Variants in LAMC3 observed in about 807,000 individuals in gnomAD.
The protein encoded by LAMC3 is laminin subunit gamma-3.
In LAMC3, 128 loss-of-function variants were observed where a neutral mutation model predicts 173.8. The ratio of observed to expected loss-of-function variants is 0.74; its 90% confidence interval spans 0.64 to 0.85. The LOEUF (loss-of-function observed/expected upper bound fraction) is 0.85. Ranked by LOEUF, LAMC3 falls within the 40% of genes least tolerant of loss-of-function variation. The pLI, the probability that LAMC3 is intolerant of heterozygous loss-of-function variation, is 0.00. For missense variants in LAMC3, 2,022 were observed against 2,156.0 expected (o/e 0.94, Z 1.23); for synonymous variants, 897 against 909.1 (o/e 0.99, Z 0.24).
At chr9:131,086,948 C>T (rs1434252325) in intron 25 of LAMC3, among the ~76,000 whole-genome samples, 1 of 151,926 alleles carries the variant, frequency 6.6e-6, no homozygotes, top group Admixed American at 6.6e-5. Flanking sequence ...TGGTCTTGAA[C>T]CTCTGGTCTC....
rs778812487 is a variant in LAMC3 at position 131,086,575 on chromosome 9, C to CTTTTTTTTTTTTTTTTTT, written c.4230+864_4230+865insTTTTTTTTTTTTTTTTTT. ...GGTGTGTGCCACTGTGCCTGGCTAA[C>CTTTTTTTTTTTTTTTTTT]TTTTTTTTTTTTGCAGAGATGAGGA... On this transcript the variant is annotated intron_variant, in intron 25 of 27. Transcript: ENST00000361069. Among the ~76,000 whole-genome samples, 37 of 92,466 alleles carry CTTTTTTTTTTTTTTTTTT rather than the reference C, an allele frequency of 4.0e-4. 2 individuals are homozygous for CTTTTTTTTTTTTTTTTTT. Among genetic ancestry groups the CTTTTTTTTTTTTTTTTTT allele is most frequent in the African/African-American group, 6.5e-4 (14 of 21,416 alleles). 60.7% of individuals were successfully genotyped at this position (92,466 alleles called of 152,430 possible).
intron 1 of LAMC3, among the ~76,000 whole-genome samples, chr9:131,019,887 G>A (rs555968117): frequency 3.4e-5 from 5 of 147,856 alleles, no homozygotes; most frequent in African/African-American, 7.5e-5. Context: ...AGCCTCCCCC[G>A]GCCGGGCCCC....
intron 23 of LAMC3, among the ~76,000 whole-genome samples, chr9:131,079,627 G>T (rs764979543): frequency 3.9e-5 from 6 of 152,086 alleles, no homozygotes; most frequent in Non-Finnish European, 7.4e-5. Flanking sequence ...CCAGGAGGTG[G>T]AGGTTGCAGT....
intron 17 of LAMC3, among the ~76,000 whole-genome samples, chr9:131,071,159 C>T (rs140670698): frequency 3.8e-4 from 58 of 152,300 alleles, no homozygotes; most frequent in African/African-American, 1.2e-3. Flanking sequence ...CTCCATGTGG[C>T]GTCCTGGGAA....
chr9:131,032,676 C>T (rs971582571), intron 3 of LAMC3, among the ~76,000 whole-genome samples: 2 of 151,554 alleles, frequency 1.3e-5, no homozygotes, highest in African/African-American at 4.8e-5. Flanking sequence ...CTCTCTCGCT[C>T]TCTCTCTCTC....
At chr9:131,086,884 G>A (rs1830341075) in intron 25 of LAMC3, among the ~76,000 whole-genome samples, 1 of 145,186 alleles carries the variant, frequency 6.9e-6, no homozygotes, top group Admixed American at 6.8e-5. Context: ...GGGAGACTCT[G>A]CCTCGAAAAA....
chr9:131,042,356 A>G (rs771312281), intron 7 of LAMC3, among the ~76,000 whole-genome samples: 1 of 151,868 alleles, frequency 6.6e-6, no homozygotes, highest in African/African-American at 2.4e-5. Flanking sequence ...CCCCTTTCAC[A>G]CCCACAGCAG....
intron 8 of LAMC3, among the ~76,000 whole-genome samples, chr9:131,047,392 C>T (rs1037571915): frequency 9.9e-5 from 15 of 151,194 alleles, no homozygotes; most frequent in African/African-American, 3.6e-4. Context: ...GTCTTGAACT[C>T]CTGACCTCAA....
intron 27 of LAMC3, among the ~76,000 whole-genome samples, chr9:131,089,064 G>A (rs571856981): frequency 4.9e-4 from 75 of 151,844 alleles, no homozygotes; most frequent in Non-Finnish European, 1.0e-3. Flanking sequence ...CAGCCTGGGT[G>A]AGAGTGAGAC....
Position 131,087,502 on chromosome 9 carries a change from G to A in LAMC3, c.4257G>A (p.Arg1419=). The stretch of plus-strand genomic sequence containing the variant: ...TTGCCAAGGCCTTGCTGAGGGAGCG[G>A]AAACAGGCGCACCGCCGTGCCAGCA... ...AKLAKALLRE[R]KQAHRRASRL... is the part of the protein sequence containing the mutation. The change falls in exon 26 of 28, where the codon CGG becomes CGA. Residue 1419 remains arginine, a synonymous_variant. Transcript: ENST00000361069. 1 of 1,613,852 alleles carries A rather than the reference G, an allele frequency of 6.2e-7. No homozygotes were observed. The highest frequency in any genetic ancestry group is 1.6e-4 in the Middle Eastern group (1 of 6,062).
chr9:131,067,124 A>C lies in LAMC3; in HGVS notation c.2512A>C (p.Thr838Pro), dbSNP rs763636185. Reference protein sequence around the residue: ...SGHCLRCLHNTTGDHCEHCQE... With the variant: ...SGHCLRCLHNPTGDHCEHCQE... ...CCACTGCCTGCGCTGCCTGCACAAC[A>C]CCACGGGTGACCACTGTGAGCACTG... Residue 838 changes from threonine to proline, a missense_variant, in exon 14 of 28, where the codon ACC (threonine) becomes CCC (proline). Coordinates refer to ENST00000361069, the MANE Select transcript of LAMC3 (RefSeq NM_006059.4). The C allele has an allele frequency of 6.2e-7, 1 of 1,614,066 alleles. No homozygotes were observed. The highest frequency in any genetic ancestry group is 2.2e-5 in the East Asian group (1 of 44,864).
chr9:131,055,361 G>C (rs573308820), intron 11 of LAMC3, among the ~76,000 whole-genome samples: 9 of 150,472 alleles, frequency 6.0e-5, no homozygotes, highest in African/African-American at 2.0e-4. Context: ...CTGCTCCTCT[G>C]TTACTGGAAG....
chr9:131,056,854 CA>C, intron 11 of LAMC3, 74 bp from the exon 12 acceptor site: 1 of 1,189,424 alleles, frequency 8.4e-7, no homozygotes, highest in Non-Finnish European at 1.2e-6. Flanking sequence ...CATATGTGAA[CA>C]GGAAGGTTTT....
chr9:131,077,214 A>G lies in LAMC3; in HGVS notation c.3657A>G (p.Lys1219=). The G allele has an allele frequency of 6.2e-7, 1 of 1,613,904 alleles. No individual in the cohort carries two copies. The highest frequency in any genetic ancestry group is 8.5e-7 in the Non-Finnish European group (1 of 1,180,028). The change falls in exon 22 of 28, where the codon AAA becomes AAG. Residue 1219 remains lysine (K), a synonymous_variant. Coordinates refer to ENST00000361069, the MANE Select transcript of LAMC3 (RefSeq NM_006059.4). ...DRYQEVQAAQ[K]ALRTAVAEVL... is the part of the protein sequence containing the mutation. ...ACCAGGAGGTCCAGGCGGCCCAGAA[A>G]GCACTGAGGACGGCTGTGGCAGAGG... is the stretch of plus-strand genomic sequence containing the variant.
At position 131,026,770 on chromosome 9, in the gene LAMC3, C is replaced by T. The variant is rs756063816; in HGVS notation, c.678+181C>T. 2.0e-5 allele frequency among the ~76,000 whole-genome samples: 3 copies of T among 152,194 alleles called. No homozygotes were observed. Among genetic ancestry groups the T allele is most frequent in the Admixed American group, 6.5e-5 (1 of 15,290 alleles). Reference sequence around the variant, plus strand: ...TGTCGCCCAGGCTGGAGTGCAGTGACGCGATTTCGGTTCACTGAAACCTCC... The same window carrying T: ...TGTCGCCCAGGCTGGAGTGCAGTGATGCGATTTCGGTTCACTGAAACCTCC... On this transcript the variant is annotated intron_variant, in intron 2 of 27. Transcript: ENST00000361069. The surrounding 1 kb of genome is among the most constrained non-coding windows in gnomAD (Gnocchi z 4.8).
Position 131,066,987 on chromosome 9 carries a change from G to A in LAMC3, c.2375G>A (p.Gly792Asp). Residue 792 changes from glycine (G) to aspartate (D), a missense_variant, in exon 14 of 28, where the codon GGC (glycine) becomes GAC (aspartate). Physicochemically the swap from Gly to Asp is moderately conservative, Grantham distance 94 (BLOSUM62 -1). Coordinates refer to ENST00000361069, the MANE Select transcript of LAMC3 (RefSeq NM_006059.4). Reference protein sequence around the residue: ...RGRRCEVCDDGFFGDPLGLFG... With the variant: ...RGRRCEVCDDDFFGDPLGLFG... ...CGGCGCTGTGAGGTCTGTGATGATG[G>A]CTTTTTTGGGGACCCGCTGGGGCTC... is the stretch of plus-strand genomic sequence containing the variant. The A allele has an allele frequency of 1.2e-6, 2 of 1,613,958 alleles. No individual in the cohort carries two copies. The highest frequency in any genetic ancestry group is 2.2e-5 in the South Asian group (2 of 91,084).
In LAMC3 at chr9:131,039,121, C is replaced by A; in HGVS notation, c.1166-10C>A. On this transcript the variant is annotated splice_polypyrimidine_tract_variant and intron_variant, in intron 5 of 27. Coordinates refer to ENST00000361069, the MANE Select transcript of LAMC3 (RefSeq NM_006059.4). ...CTGGCCTCAATTGCCCTGTGCCCTT[C>A]CTCTCCCAGGCTCCCTACACCTCCA... is the stretch of plus-strand genomic sequence containing the variant. 1 of 1,611,606 alleles carries A rather than the reference C, an allele frequency of 6.2e-7. No individual in the cohort carries two copies.
chr9:131,044,020 A>G (rs951241935), intron 7 of LAMC3, among the ~76,000 whole-genome samples: 7 of 144,280 alleles, frequency 4.9e-5, no homozygotes, highest in South Asian at 2.2e-4. Context: ...GTGAAGTGGT[A>G]TGATCTCGGC....
chr9:131,015,072 C>T (rs1020356134), intron 1 of LAMC3, among the ~76,000 whole-genome samples: 1 of 152,188 alleles, frequency 6.6e-6, no homozygotes, highest in African/African-American at 2.4e-5. Context: ...TATTGTTATG[C>T]CTATTTTGCA....
Sources: gnomAD v4.1 joint callset for allele counts (sites outside exome capture counted in the v4.1 genomes callset) on GRCh38, gnomAD v4.1.1 for gene constraint, Gnocchi (gnomAD v3.1) non-coding constraint, MANE v1.5 for transcripts, NCBI Gene and HGNC (gene_info 2026-07-23, HGNC 2026-07-21) for gene names.